The following PPARGC1A variants were observed in gnomAD, a reference collection of about 807,000 sequenced individuals.
PPARGC1A encodes PPARG coactivator 1 alpha.
Under a neutral mutation model 88.7 loss-of-function variants are expected in PPARGC1A, and 25 were observed. That is an observed-to-expected ratio of 0.28 (90% CI 0.21 to 0.39). PPARGC1A has a LOEUF of 0.39. PPARGC1A is among the 10% of genes least tolerant of loss of function. The pLI is 1.00. For synonymous variants in PPARGC1A, 363 were observed against 355.6 expected (o/e 1.02, Z -0.24); for missense variants, 880 against 968.7 (o/e 0.91, Z 1.22).
At chr4:23,838,889 T>C (rs993719927) in intron 2 of PPARGC1A, among the ~76,000 whole-genome samples, 1 of 128,294 alleles carries the variant, frequency 7.8e-6, no homozygotes, top group African/African-American at 2.8e-5. Flanking sequence ...TTCTCTGATA[T>C]TCAATTGTAG....
At chr4:24,295,680 T>C in the PPARGC1A span, among the ~76,000 whole-genome samples, 1 of 149,632 alleles carries the variant, frequency 6.7e-6, no homozygotes, top group Non-Finnish European at 1.5e-5. Context: ...TGTATATATG[T>C]ATATATGAGT....
the PPARGC1A span, among the ~76,000 whole-genome samples, chr4:24,211,869 G>T: frequency 6.6e-6 from 1 of 152,244 alleles, no homozygotes; most frequent in African/African-American, 2.4e-5. Context: ...TTCTTGCACA[G>T]GTATATTCTA....
intron 10 of PPARGC1A, among the ~76,000 whole-genome samples, chr4:23,809,178 G>A (rs1243980958): frequency 6.6e-6 from 1 of 152,040 alleles, no homozygotes; most frequent in African/African-American, 2.4e-5. Context: ...GAATTTTCAA[G>A]CTAATTTTTT....
the PPARGC1A span, among the ~76,000 whole-genome samples, chr4:24,302,298 G>A: frequency 8.1e-4 from 124 of 152,316 alleles, no homozygotes; most frequent in African/African-American, 2.8e-3. Flanking sequence ...TAATGTCTTT[G>A]CTGGCATACT....
chr4:23,866,002 T>C (rs76820464), intron 2 of PPARGC1A: 34,688 of 151,972 alleles, frequency 0.23, 4,195 homozygotes, highest in African/African-American at 0.25. Flanking sequence ...TAGAAGGTGG[T>C]GAATAATAGT....
the PPARGC1A span, among the ~76,000 whole-genome samples, chr4:24,105,169 T>C: frequency 6.6e-6 from 1 of 152,224 alleles, no homozygotes; most frequent in Non-Finnish European, 1.5e-5. Context: ...TAGAGCACAG[T>C]GAAGGTAAGA....
At chr4:24,082,372 C>A in the PPARGC1A span, among the ~76,000 whole-genome samples, 10 of 152,048 alleles carry the variant, frequency 6.6e-5, no homozygotes, top group African/African-American at 2.4e-4. Context: ...GATCCTAGGA[C>A]GGCTTGATAA....
the PPARGC1A span, among the ~76,000 whole-genome samples, chr4:23,970,080 TCC>T: frequency 6.6e-6 from 1 of 152,194 alleles, no homozygotes; most frequent in Non-Finnish European, 1.5e-5. Flanking sequence ...GACTACCCCA[TCC>T]CTGATTGACT....
At chr4:24,196,496 C>A in the PPARGC1A span, among the ~76,000 whole-genome samples, 2 of 152,174 alleles carry the variant, frequency 1.3e-5, no homozygotes, top group African/African-American at 2.4e-5. Context: ...AAGATAAGCC[C>A]TTGCAATGAT....
chr4:24,180,755 C>T, the PPARGC1A span, among the ~76,000 whole-genome samples: 7 of 152,252 alleles, frequency 4.6e-5, no homozygotes, highest in African/African-American at 1.7e-4. Context: ...TGTGAAACTC[C>T]TCAAAGTTTC....
At chr4:23,940,898 T>G in the PPARGC1A span, among the ~76,000 whole-genome samples, 4 of 152,062 alleles carry the variant, frequency 2.6e-5, no homozygotes, top group Non-Finnish European at 1.5e-5. Context: ...CAAAATGAAA[T>G]CAATGCACTT....
At chr4:24,002,945 T>C in the PPARGC1A span, among the ~76,000 whole-genome samples, 1 of 152,116 alleles carries the variant, frequency 6.6e-6, no homozygotes, top group Admixed American at 6.5e-5. Context: ...CCAAAGACAA[T>C]TTGAATAATT....
chr4:24,055,200 G>A, the PPARGC1A span, among the ~76,000 whole-genome samples: 21 of 152,320 alleles, frequency 1.4e-4, no homozygotes, highest in East Asian at 3.7e-3. Context: ...GTATCTGTGT[G>A]ATTCCAGAAT....
At chr4:24,208,710 T>A in the PPARGC1A span, among the ~76,000 whole-genome samples, 6 of 148,314 alleles carry the variant, frequency 4.0e-5, no homozygotes, top group Non-Finnish European at 8.9e-5. Context: ...TATTCATATT[T>A]ATATTATATA....
chr4:24,003,957 A>T, the PPARGC1A span, among the ~76,000 whole-genome samples: 4 of 152,180 alleles, frequency 2.6e-5, no homozygotes, highest in Non-Finnish European at 5.9e-5. Context: ...AACTGTCATT[A>T]TATAAACAGC....
the PPARGC1A span, among the ~76,000 whole-genome samples, chr4:24,348,271 T>C: frequency 6.6e-6 from 1 of 152,224 alleles, no homozygotes; most frequent in African/African-American, 2.4e-5. Flanking sequence ...TATAACCGGA[T>C]CACAATGTGC....
At chr4:24,357,733 T>C in the PPARGC1A span, among the ~76,000 whole-genome samples, 1 of 152,188 alleles carries the variant, frequency 6.6e-6, no homozygotes, top group African/African-American at 2.4e-5. Flanking sequence ...ACCATTCTCA[T>C]AGTAGTGAAT....
the PPARGC1A span, among the ~76,000 whole-genome samples, chr4:24,126,337 GTCT>G: frequency 3.3e-5 from 5 of 150,716 alleles, no homozygotes; most frequent in South Asian, 1.1e-3. Flanking sequence ...GACTCAAAAT[GTCT>G]TCTAAGTTAA....
chr4:24,403,078 C>G, the PPARGC1A span, among the ~76,000 whole-genome samples: 1 of 152,194 alleles, frequency 6.6e-6, no homozygotes, highest in African/African-American at 2.4e-5. Context: ...GCAGCCAAAT[C>G]CCCTGTTCAA....
Sources: allele counts gnomAD v4.1 joint callset (sites outside exome capture counted in the v4.1 genomes callset), GRCh38; gene constraint gnomAD v4.1.1; transcripts MANE v1.5; gene names NCBI Gene and HGNC (gene_info 2026-07-23, HGNC 2026-07-21).